UTRN: variants seen among roughly 807,000 people sequenced by gnomAD.
UTRN encodes dystrophin-related protein 1.
In UTRN, 283 loss-of-function variants were observed where a neutral mutation model predicts 463.9. That is an observed-to-expected ratio of 0.61 (90% CI 0.55 to 0.67). The LOEUF (loss-of-function observed/expected upper bound fraction) is 0.67, where lower values mean the gene tolerates loss of function less well. Among genes scored for constraint, UTRN ranks in the 30% least tolerant of loss-of-function variants. The pLI, the probability that UTRN is intolerant of heterozygous loss-of-function variation, is 0.00. For synonymous variants in UTRN, 1,442 were observed against 1,431.5 expected (o/e 1.01, Z -0.17); for missense variants, 3,922 against 4,084.3 (o/e 0.96, Z 1.08).
At chr6:144,843,246 A>G (rs1347420014) in intron 73 of UTRN, among the ~76,000 whole-genome samples, 1 of 152,086 alleles carries the variant, frequency 6.6e-6, no homozygotes, top group East Asian at 1.9e-4. Flanking sequence ...TGGCAGTGAC[A>G]GCCAGGATGG....
chr6:144,344,213 G>A (rs1186093797), intron 2 of UTRN: 5 of 1,303,924 alleles, frequency 3.8e-6, no homozygotes, highest in South Asian at 2.5e-5. Flanking sequence ...TGTAGGTGAT[G>A]AGCGGCCTGG....
intron 51 of UTRN, chr6:144,583,236 G>A: frequency 2.7e-6 from 1 of 365,150 alleles, no homozygotes; most frequent in Non-Finnish European, 4.9e-6. Flanking sequence ...TGGCCATGCC[G>A]GGCTGAGCAA....
chr6:144,550,973 G>C lies in UTRN; in HGVS notation c.6819G>C (p.Lys2273Asn). The change falls in exon 48 of 75, where the codon AAG becomes AAC. Residue 2273 changes from lysine to asparagine, a missense_variant. This residue lies in a region of UTRN where 1,309 missense variants were observed against 1,452.6 expected (regional missense o/e 0.90). Coordinates refer to ENST00000367545, the MANE Select transcript of UTRN (RefSeq NM_007124.3). ...NKTVSRMKIT[K>N]ADLEQRHPQL... ...TCATTTCTACTTAACAGATTACAAA[G>C]GCTGACTTAGAACAGCGCCATCCTC... is the stretch of plus-strand genomic sequence containing the variant. 1 of 1,596,226 alleles carries C rather than the reference G, an allele frequency of 6.3e-7. No individual in the cohort carries two copies. The highest frequency in any genetic ancestry group is 8.5e-7 in the Non-Finnish European group (1 of 1,175,110).
intron 51 of UTRN, among the ~76,000 whole-genome samples, chr6:144,651,626 C>T (rs1031645276): frequency 6.6e-6 from 1 of 152,030 alleles, no homozygotes. Flanking sequence ...TTCTGTATTG[C>T]TTTTCAGACT....
At chr6:144,510,312 A>T (rs552623156) in intron 34 of UTRN, among the ~76,000 whole-genome samples, 2 of 152,340 alleles carry the variant, frequency 1.3e-5, no homozygotes, top group African/African-American at 4.8e-5. Context: ...TGTGCCGATC[A>T]CTTTATCATC....
chr6:144,452,610 A>T (rs1458158769), intron 18 of UTRN, among the ~76,000 whole-genome samples: 1 of 150,414 alleles, frequency 6.6e-6, no homozygotes, highest in Admixed American at 6.6e-5. Flanking sequence ...CTATAGAGAT[A>T]AAAAAAATAA....
At chr6:144,488,587 G>A (rs567064466) in intron 29 of UTRN, 86 bp from the exon 30 acceptor site, 1 of 1,316,032 alleles carries the variant, frequency 7.6e-7, no homozygotes, top group Non-Finnish European at 1.0e-6. Flanking sequence ...AAGCTTTTAT[G>A]GTCTTTTCTT....
Position 144,523,042 on chromosome 6 carries a change from T to C in UTRN, c.5760T>C (p.Leu1920=), listed in dbSNP as rs571183207. 4.3e-6 allele frequency: 7 copies of C among 1,609,650 alleles called. No homozygotes were observed. The highest frequency in any genetic ancestry group is 1.7e-5 in the Admixed American group (1 of 59,002). The change falls in exon 41 of 75, where the codon CTT becomes CTC. Residue 1920 remains leucine, a synonymous_variant. Transcript: ENST00000367545. ...LKNIKDQLDK[L]GEQIAVIHEK... ...ATATCAAAGACCAACTGGACAAACT[T>C]GGAGAGCAGATTGCAGTCATTCATG...
intron 51 of UTRN, among the ~76,000 whole-genome samples, chr6:144,677,064 AT>A (rs145824138): frequency 6.6e-6 from 1 of 152,094 alleles, no homozygotes; most frequent in African/African-American, 2.4e-5. Flanking sequence ...ATTACAATAC[AT>A]TTTTTAAAAA....
At chr6:144,357,196 C>A (rs942859132) in intron 2 of UTRN, among the ~76,000 whole-genome samples, 8 of 152,136 alleles carry the variant, frequency 5.3e-5, no homozygotes, top group African/African-American at 1.9e-4. Flanking sequence ...TCACACCCAC[C>A]CATAGCCTGC....
chr6:144,458,678 C>G, intron 19 of UTRN, 92 bp from the exon 20 acceptor site: 4 of 1,411,710 alleles, frequency 2.8e-6, no homozygotes, highest in Non-Finnish European at 3.8e-6. Context: ...TGTGACATTG[C>G]CTCACTATTC....
intron 51 of UTRN, among the ~76,000 whole-genome samples, chr6:144,589,714 G>A (rs576297986): frequency 3.3e-5 from 5 of 152,212 alleles, no homozygotes; most frequent in African/African-American, 1.2e-4. Context: ...ACATGAGCTG[G>A]AGCATGAGAA....
chr6:144,771,996 A>G, intron 59 of UTRN, 28 bp downstream of exon 59: 1 of 1,128,668 alleles, frequency 8.9e-7, no homozygotes, highest in East Asian at 2.6e-5. Flanking sequence ...TAATAAATTA[A>G]CCTAAACAAC....
rs557852260 is a variant in UTRN at position 144,331,287 on chromosome 6, T to C, written c.79+39380T>C. ...TATGATTTATTTTGCTTACTAACCT[T>C]GTAAATCATCTAGGATAGGACCACT... is the stretch of plus-strand genomic sequence containing the variant. On this transcript the variant is annotated intron_variant, in intron 2 of 74. Coordinates refer to ENST00000367545, the MANE Select transcript of UTRN (RefSeq NM_007124.3). Among the ~76,000 whole-genome samples, 29 of 152,342 alleles carry C rather than the reference T, an allele frequency of 1.9e-4. No individual in the cohort carries two copies. The South Asian group carries it at 5.8e-3, about 30-fold the overall frequency.
intron 51 of UTRN, among the ~76,000 whole-genome samples, chr6:144,626,347 G>A (rs1188007705): frequency 6.6e-6 from 1 of 152,178 alleles, no homozygotes; most frequent in African/African-American, 2.4e-5. Context: ...TGGGCACAAA[G>A]TATCACTCCA....
intron 2 of UTRN, among the ~76,000 whole-genome samples, chr6:144,343,537 G>C (rs1042977144): frequency 2.6e-5 from 4 of 151,998 alleles, no homozygotes; most frequent in African/African-American, 9.7e-5. Flanking sequence ...TCCAGCCTGG[G>C]TGACGAGTGA....
intron 65 of UTRN, among the ~76,000 whole-genome samples, chr6:144,808,753 T>A (rs907132109): frequency 6.6e-6 from 1 of 152,034 alleles, no homozygotes; most frequent in Non-Finnish European, 1.5e-5. Context: ...GTCCCACATA[T>A]AAGTGAGATC....
Position 144,323,636 on chromosome 6 carries a change from T to G in UTRN, c.79+31729T>G, listed in dbSNP as rs573547523. Among the ~76,000 whole-genome samples, 3 of 152,318 alleles carry G rather than the reference T, an allele frequency of 2.0e-5. No individual in the cohort carries two copies. In the East Asian group the frequency reaches 5.8e-4, roughly 29 times the overall value. ...GTTTAAAGAAAATAAAAGAACACTT[T>G]ATTAAAATTTCTCTCTTTCTCTTCC... On this transcript the variant is annotated intron_variant, in intron 2 of 74. Transcript: ENST00000367545.
intron 51 of UTRN, among the ~76,000 whole-genome samples, chr6:144,650,371 TTAAG>T (rs1486837199): frequency 6.6e-6 from 1 of 152,172 alleles, no homozygotes; most frequent in Non-Finnish European, 1.5e-5. Context: ...ATTTTGATAT[TTAAG>T]TAGTGTGTAT....
Sources: gnomAD v4.1 joint callset for allele counts (sites outside exome capture counted in the v4.1 genomes callset) on GRCh38, gnomAD v4.1.1 for gene constraint, gnomAD v4.1.1 regional missense constraint, MANE v1.5 for transcripts, NCBI Gene and HGNC (gene_info 2026-07-23, HGNC 2026-07-21) for gene names.